The following TLE4 variants were observed in gnomAD, a reference collection of about 807,000 sequenced individuals.
The protein encoded by TLE4 is TLE family member 4, transcriptional corepressor.
A neutral mutation model predicts 92.8 loss-of-function variants in TLE4; 8 were observed. The ratio of observed to expected loss-of-function variants is 0.09; its 90% CI spans 0.05 to 0.16. The LOEUF (loss-of-function observed/expected upper bound fraction) is 0.16. TLE4 is among the 10% of genes least tolerant of loss of function. The pLI, the probability that TLE4 is intolerant of heterozygous loss-of-function variation, is 1.00. For missense variants in TLE4, 675 were observed against 997.6 expected, an observed-to-expected ratio of 0.68 and a Z score of 4.36; for synonymous variants, 371 against 374.1, an observed-to-expected ratio of 0.99 and a Z score of 0.10.
chr9:79,604,841 A>G (rs1468345953), intron 4 of TLE4, among the ~76,000 whole-genome samples: 7 of 152,152 alleles, frequency 4.6e-5, no homozygotes, highest in East Asian at 3.9e-4. Flanking sequence ...GATCATACAT[A>G]TATGTTGGGA....
chr9:79,713,097 C>T (rs767328360), intron 14 of TLE4, among the ~76,000 whole-genome samples: 3 of 152,132 alleles, frequency 2.0e-5, no homozygotes, highest in Admixed American at 6.5e-5. Context: ...ATACAATAAC[C>T]AGACCTCTCA....
At chr9:79,628,421 AT>A (rs757522004) in intron 6 of TLE4, among the ~76,000 whole-genome samples, 5 of 152,256 alleles carry the variant, frequency 3.3e-5, no homozygotes, top group East Asian at 1.9e-4. Context: ...GGGTCGCCTG[AT>A]AATCAATCTG....
intron 8 of TLE4, among the ~76,000 whole-genome samples, chr9:79,704,435 A>G (rs2070915371): frequency 1.3e-5 from 2 of 152,140 alleles, no homozygotes; most frequent in African/African-American, 4.8e-5. Flanking sequence ...TTCTAAAGGC[A>G]CTTCAACAGT....
At chr9:79,641,345 A>G (rs1403652772) in intron 6 of TLE4, among the ~76,000 whole-genome samples, 1 of 152,102 alleles carries the variant, frequency 6.6e-6, no homozygotes, top group East Asian at 1.9e-4. Context: ...TATGATCCAG[A>G]TTTATACCAG....
Position 79,622,381 on chromosome 9 carries a change from G to A in TLE4, c.316-4993G>A, listed in dbSNP as rs79305398. ...ACAGACATTCTTGCTCTTCCTATAA[G>A]GCCCCTACCCAGTTCTCTTCCCTTT... On this transcript the variant is annotated intron_variant, in intron 5 of 19. Coordinates refer to ENST00000376552, the MANE Select transcript of TLE4 (RefSeq NM_007005.6). Among the ~76,000 whole-genome samples the A allele has an allele frequency of 7.9e-3, 1,203 of 152,132 alleles. 13 individuals are homozygous for A. Among genetic ancestry groups the A allele is most frequent in the African/African-American group, 0.025 (1,040 of 41,510 alleles).
chr9:79,588,519 A>G lies in TLE4; in HGVS notation c.252+12342A>G, dbSNP rs139754081. ...TCTGTACACAGTGAGCTTAAATGTT[A>G]AAAATAATAGCTGGTATCATTTGGG... On this transcript the variant is annotated intron_variant, in intron 4 of 19. Coordinates refer to ENST00000376552, the MANE Select transcript of TLE4 (RefSeq NM_007005.6). Among the ~76,000 whole-genome samples, 5 of 152,326 alleles carry G rather than the reference A, an allele frequency of 3.3e-5. No homozygotes were observed. In the East Asian group the frequency reaches 9.7e-4, roughly 29 times the overall value.
intron 11 of TLE4, among the ~76,000 whole-genome samples, chr9:79,707,371 CAA>C (rs2071929013): frequency 6.6e-6 from 1 of 152,146 alleles, no homozygotes; most frequent in Non-Finnish European, 1.5e-5. Flanking sequence ...ATCACAAATG[CAA>C]AAATGAACTG....
intron 8 of TLE4, among the ~76,000 whole-genome samples, chr9:79,687,233 T>C (rs1200783012): frequency 6.6e-6 from 1 of 152,210 alleles, no homozygotes; most frequent in Non-Finnish European, 1.5e-5. Flanking sequence ...CCTCACTTGC[T>C]CATGGGCTTG....
rs1039518670 is a variant in TLE4, at chr9:79,708,467, A to G, written c.1070-126A>G. ...GAATGAGTGAATTCTGAAGGCTTGA[A>G]TGACTTTTGAGAATATTAAAATAAG... On this transcript the variant is annotated intron_variant, in intron 12 of 19. Transcript: ENST00000376552. The G allele has an allele frequency of 2.1e-5, 24 of 1,145,124 alleles. No individual in the cohort carries two copies. In the Middle Eastern group the frequency reaches 6.1e-4, roughly 29 times the overall value. 70.9% of individuals were successfully genotyped at this position (1,145,124 alleles called of 1,614,324 possible).
chr9:79,671,166 A>G (rs1054785264), intron 8 of TLE4: 2 of 435,576 alleles, frequency 4.6e-6, no homozygotes, highest in Admixed American at 2.4e-5. Flanking sequence ...GTTTAGGGAT[A>G]GTTCAACCTT....
At chr9:79,616,699 A>G (rs2049706865) in intron 5 of TLE4, among the ~76,000 whole-genome samples, 1 of 152,140 alleles carries the variant, frequency 6.6e-6, no homozygotes. Context: ...AAAACTGAGG[A>G]TTGCCAATAA....
In TLE4 at chr9:79,725,776, A is replaced by G. The variant is rs1316812048; in HGVS notation, c.*632A>G. On this transcript the variant is annotated 3_prime_UTR_variant, in exon 20 of 20. Transcript: ENST00000376552. The stretch of plus-strand genomic sequence containing the variant: ...ATACTCATTTGGATCTATTTAGACA[A>G]CGTTAACCAATATATCTATAGCTTT... 2.0e-5 allele frequency: 3 copies of G among 152,806 alleles called. No individual in the cohort carries two copies. The highest frequency in any genetic ancestry group is 3.9e-4 in the East Asian group (2 of 5,186). The allele number at this position is 152,806 out of a possible 1,614,324, so 9.5% of individuals were successfully genotyped here. A position where few individuals can be genotyped will look rare whatever the true frequency, so the allele number is the denominator to read the frequency against.
intron 18 of TLE4, 140 bp from the exon 19 acceptor site, chr9:79,722,819 A>G: frequency 1.0e-6 from 1 of 975,834 alleles, no homozygotes; most frequent in Non-Finnish European, 1.5e-6. Context: ...ATCCAGAAAG[A>G]TAGGCTTTAT....
rs867892850 is a variant in TLE4, at chr9:79,592,165, T to C, written c.252+15988T>C. ...TCTTTCTTCTTTCTTCTTCTTCTTC[T>C]TCTTCCTCTTCCTCTTCCTCTTCTT... On this transcript the variant is annotated intron_variant, in intron 4 of 19. Coordinates refer to ENST00000376552, the MANE Select transcript of TLE4 (RefSeq NM_007005.6). Among the ~76,000 whole-genome samples the C allele has an allele frequency of 1.3e-3, 190 of 140,792 alleles. 1 individual carries two copies. Among genetic ancestry groups the C allele is most frequent in the East Asian group, 3.8e-3 (18 of 4,718 alleles). 92.4% of individuals were successfully genotyped at this position (140,792 alleles called of 152,430 possible). A position where few individuals can be genotyped will look rare whatever the true frequency, so the allele number is the denominator to read the frequency against.
chr9:79,626,887 A>G (rs112288483), intron 5 of TLE4, among the ~76,000 whole-genome samples: 2 of 152,218 alleles, frequency 1.3e-5, no homozygotes, highest in Admixed American at 6.5e-5. Flanking sequence ...TCCAGAAGAA[A>G]TATGTATGTT....
rs776133635 is a variant in TLE4, at chr9:79,652,749, C to A, written c.547C>A (p.Pro183Thr). The A allele has an allele frequency of 1.2e-6, 2 of 1,614,106 alleles. No individual in the cohort carries two copies. The highest frequency in any genetic ancestry group is 2.2e-5 in the South Asian group (2 of 91,086). Residue 183 changes from proline (P) to threonine (T), a missense_variant, in exon 7 of 20, where the codon CCA becomes ACA. Transcript: ENST00000376552. ...TGCTCTAGGAGGTCAGTCCCATCTTCCAATTAAAGATGAGAAGAAGCACCA... is the reference window on the plus strand; with the variant it reads ...TGCTCTAGGAGGTCAGTCCCATCTTACAATTAAAGATGAGAAGAAGCACCA... ...SSALGGQSHLPIKDEKKHHDN... is the reference protein window; with the variant it reads ...SSALGGQSHLTIKDEKKHHDN...
At chr9:79,686,449 T>C (rs1384043224) in intron 8 of TLE4, among the ~76,000 whole-genome samples, 10 of 152,164 alleles carry the variant, frequency 6.6e-5, no homozygotes. Flanking sequence ...TGTGACTTTA[T>C]TTAGAAATAG....
At chr9:79,723,512 T>C (rs1419208230) in intron 19 of TLE4, among the ~76,000 whole-genome samples, 1 of 152,224 alleles carries the variant, frequency 6.6e-6, no homozygotes, top group Non-Finnish European at 1.5e-5. Flanking sequence ...GAACTTTGTA[T>C]AGCTTGTGAA....
chr9:79,594,238 C>A (rs907180989), intron 4 of TLE4, among the ~76,000 whole-genome samples: 2 of 152,194 alleles, frequency 1.3e-5, no homozygotes, highest in Non-Finnish European at 2.9e-5. Flanking sequence ...TGATACTCTC[C>A]ATTTCTAACA....
Sources: gnomAD v4.1 joint callset for allele counts (sites outside exome capture counted in the v4.1 genomes callset) on GRCh38, gnomAD v4.1.1 for gene constraint, MANE v1.5 for transcripts, NCBI Gene and HGNC (gene_info 2026-07-23, HGNC 2026-07-21) for gene names.